The following CTNNBL1 variants were observed in gnomAD, a reference collection of about 807,000 sequenced individuals.
CTNNBL1 encodes beta-catenin-like protein 1.
Under a neutral mutation model 72.7 loss-of-function variants are expected in CTNNBL1, and 31 were observed. That is an observed-to-expected ratio of 0.43 (90% confidence interval 0.32 to 0.58). The LOEUF (loss-of-function observed/expected upper bound fraction) is 0.58. Among genes scored for constraint, CTNNBL1 ranks in the 20% least tolerant of loss-of-function variants. The probability of loss-of-function intolerance (pLI) is 0.08; values close to 1 mark genes in which losing one functional copy is unlikely to be tolerated. For synonymous variants in CTNNBL1, 240 were observed against 267.3 expected (o/e 0.90, Z 1.00); for missense variants, 534 against 725.1 (o/e 0.74, Z 3.03).
chr20:37,799,410 T>C (rs189127438), intron 10 of CTNNBL1, among the ~76,000 whole-genome samples: 25 of 152,286 alleles, frequency 1.6e-4, no homozygotes, highest in Middle Eastern at 3.4e-3. Context: ...TCTAGTTCCC[T>C]GGCTGGCACG....
intron 5 of CTNNBL1, among the ~76,000 whole-genome samples, chr20:37,758,648 T>C: frequency 6.6e-6 from 1 of 152,252 alleles, no homozygotes; most frequent in Non-Finnish European, 1.5e-5. Context: ...TGATACCACC[T>C]GTGGAGCTCT....
intron 1 of CTNNBL1, among the ~76,000 whole-genome samples, chr20:37,704,547 T>C (rs970851716): frequency 5.3e-5 from 8 of 150,500 alleles, no homozygotes; most frequent in Non-Finnish European, 8.9e-5. Context: ...AGACATCGTC[T>C]CAAAAAAAAA....
chr20:37,829,455 G>T (rs2122787462), intron 11 of CTNNBL1, among the ~76,000 whole-genome samples: 1 of 152,282 alleles, frequency 6.6e-6, no homozygotes, highest in South Asian at 2.1e-4. Flanking sequence ...ACCAGGCTGG[G>T]CCAGTAGGTA....
At chr20:37,837,486 A>G (rs2072265336) in intron 11 of CTNNBL1, among the ~76,000 whole-genome samples, 1 of 152,198 alleles carries the variant, frequency 6.6e-6, no homozygotes, top group Non-Finnish European at 1.5e-5. Flanking sequence ...AAAAAAATGG[A>G]TTCTACCAAT....
chr20:37,718,728 A>G (rs1344330747), intron 1 of CTNNBL1, among the ~76,000 whole-genome samples: 1 of 152,256 alleles, frequency 6.6e-6, no homozygotes, highest in African/African-American at 2.4e-5. Context: ...GCAAAATTGC[A>G]GATAGGCAAG....
chr20:37,802,170 A>G (rs776962834), intron 10 of CTNNBL1, among the ~76,000 whole-genome samples: 54 of 152,244 alleles, frequency 3.5e-4, no homozygotes, highest in Non-Finnish European at 5.9e-4. Context: ...TTATTCAGCA[A>G]TAAAAAGGAA....
chr20:37,795,709 G>A (rs979609054), intron 10 of CTNNBL1, among the ~76,000 whole-genome samples: 1 of 151,744 alleles, frequency 6.6e-6, no homozygotes, highest in Non-Finnish European at 1.5e-5. Context: ...TGCTTTTCTC[G>A]ACTTTCTTCA....
rs140908913 is a variant in CTNNBL1, at chr20:37,746,597, C to T, written c.456C>T (p.His152=). ...AVQSLLGLLG[H]DNTDVSIAVV... is the part of the protein sequence containing the mutation. ...AGTCGCTTCTCGGCTTGCTCGGACA[C>T]GATAATACAGATATCCTTTCAGATC... Residue 152 remains histidine, a synonymous_variant, in exon 4 of 16, where the codon CAC becomes CAT. Coordinates refer to ENST00000361383, the MANE Select transcript of CTNNBL1 (RefSeq NM_030877.5). 5.7e-4 allele frequency: 927 copies of T among 1,614,008 alleles called. 1 individual carries two copies. Among genetic ancestry groups the T allele is most frequent in the Admixed American group, 2.5e-3 (153 of 60,020 alleles).
chr20:37,712,044 G>C (rs1213512058), intron 1 of CTNNBL1, among the ~76,000 whole-genome samples: 3 of 152,236 alleles, frequency 2.0e-5, no homozygotes, highest in African/African-American at 7.2e-5. Context: ...ATTCTGGCCA[G>C]CTTAGCTGTG....
intron 1 of CTNNBL1, among the ~76,000 whole-genome samples, chr20:37,718,711 CTG>C (rs1406238217): frequency 1.3e-5 from 2 of 152,242 alleles, no homozygotes; most frequent in East Asian, 3.8e-4. Flanking sequence ...CTAGACTCTT[CTG>C]GATAGCAAAA....
chr20:37,757,690 T>C, intron 5 of CTNNBL1, 34 bp downstream of exon 5: 1 of 1,546,814 alleles, frequency 6.5e-7, no homozygotes, highest in South Asian at 1.1e-5. Flanking sequence ...TTTGCAGGTT[T>C]GTATAAGTTG....
chr20:37,820,337 C>G (rs1363298797), intron 11 of CTNNBL1, among the ~76,000 whole-genome samples: 3 of 152,102 alleles, frequency 2.0e-5, no homozygotes, highest in African/African-American at 7.2e-5. Flanking sequence ...ATTTAATCTC[C>G]TTGCAATTCA....
chr20:37,753,112 G>C (rs1268600955), intron 4 of CTNNBL1, among the ~76,000 whole-genome samples: 1 of 152,060 alleles, frequency 6.6e-6, no homozygotes, highest in African/African-American at 2.4e-5. Flanking sequence ...AATGACCTCT[G>C]TCTCCTGGGT....
At chr20:37,714,607 CAGG>C (rs2072970117) in intron 1 of CTNNBL1, among the ~76,000 whole-genome samples, 1 of 152,186 alleles carries the variant, frequency 6.6e-6, no homozygotes, top group Non-Finnish European at 1.5e-5. Context: ...GACTCTAAAG[CAGG>C]AGATTGATTG....
intron 10 of CTNNBL1, among the ~76,000 whole-genome samples, chr20:37,796,239 C>T (rs377758879): frequency 6.5e-4 from 99 of 152,260 alleles, no homozygotes; most frequent in East Asian, 2.5e-3. Flanking sequence ...CACATGCTTG[C>T]GCTTGTCAGT....
At chr20:37,723,576 T>C (rs1167348300) in intron 1 of CTNNBL1, among the ~76,000 whole-genome samples, 3 of 152,220 alleles carry the variant, frequency 2.0e-5, no homozygotes, top group African/African-American at 7.2e-5. Flanking sequence ...TTGAAGCCAG[T>C]CTTGCAAATT....
chr20:37,710,050 G>A (rs142080472), intron 1 of CTNNBL1, among the ~76,000 whole-genome samples: 60 of 152,296 alleles, frequency 3.9e-4, no homozygotes, highest in African/African-American at 1.2e-3. Flanking sequence ...TTGATTATGC[G>A]TCCTCTTTTC....
chr20:37,768,391 TGAGA>T (rs888667678), intron 7 of CTNNBL1, among the ~76,000 whole-genome samples: 9 of 152,228 alleles, frequency 5.9e-5, no homozygotes, highest in Non-Finnish European at 1.2e-4. Flanking sequence ...TCTGTGTATA[TGAGA>T]GAGTGTGTGT....
chr20:37,823,969 A>AAG (rs1423236408), intron 11 of CTNNBL1, among the ~76,000 whole-genome samples: 2 of 152,214 alleles, frequency 1.3e-5, no homozygotes, highest in East Asian at 3.8e-4. Context: ...TTAGGATCTA[A>AAG]AGATTTTTTT....
Sources: allele counts gnomAD v4.1 joint callset (sites outside exome capture counted in the v4.1 genomes callset), GRCh38; gene constraint gnomAD v4.1.1; transcripts MANE v1.5; gene names NCBI Gene and HGNC (gene_info 2026-07-23, HGNC 2026-07-21).